Variants in SLC25A21 observed in about 807,000 individuals in gnomAD.
The protein encoded by SLC25A21 is mitochondrial 2-oxodicarboxylate carrier.
A neutral mutation model predicts 43.8 loss-of-function variants in SLC25A21; 47 were observed. The ratio of observed to expected loss-of-function variants is 1.07; its 90% CI spans 0.85 to 1.37. SLC25A21 has a LOEUF of 1.37. SLC25A21 is among the 40% of genes most tolerant of loss of function. SLC25A21 has a pLI of 0.00. For synonymous variants in SLC25A21, 131 were observed against 121.3 expected (o/e 1.08, Z -0.52); for missense variants, 352 against 350.2 (o/e 1.00, Z -0.04).
At chr14:37,105,010 T>C (rs1323202328) in intron 1 of SLC25A21, among the ~76,000 whole-genome samples, 1 of 152,248 alleles carries the variant, frequency 6.6e-6, no homozygotes, top group African/African-American at 2.4e-5. Flanking sequence ...TCCATAAGCA[T>C]TTCCAGAGGT....
intron 1 of SLC25A21, among the ~76,000 whole-genome samples, chr14:37,014,723 T>C (rs1960807719): frequency 6.6e-6 from 1 of 152,172 alleles, no homozygotes; most frequent in African/African-American, 2.4e-5. Context: ...CTATGGGAGC[T>C]ATAGCCTTCC....
At chr14:36,736,888 G>C (rs1490459905) in intron 3 of SLC25A21, among the ~76,000 whole-genome samples, 2 of 152,196 alleles carry the variant, frequency 1.3e-5, no homozygotes, top group Non-Finnish European at 2.9e-5. Context: ...AACAAGAAAA[G>C]ACACATTTTT....
intron 1 of SLC25A21, among the ~76,000 whole-genome samples, chr14:37,088,979 T>C (rs1962534031): frequency 6.6e-6 from 1 of 152,232 alleles, no homozygotes; most frequent in African/African-American, 2.4e-5. Context: ...ACATAACTTT[T>C]TAAAAGCCAT....
chr14:37,068,971 G>A (rs945547381), intron 1 of SLC25A21, among the ~76,000 whole-genome samples: 3 of 151,998 alleles, frequency 2.0e-5, no homozygotes, highest in African/African-American at 7.3e-5. Flanking sequence ...TCAGGAGATC[G>A]AGACCATCCT....
intron 4 of SLC25A21, among the ~76,000 whole-genome samples, chr14:36,732,317 C>T (rs185189175): frequency 1.2e-3 from 186 of 152,028 alleles, no homozygotes; most frequent in African/African-American, 3.3e-3. Flanking sequence ...ATTTAGTTAG[C>T]ATAAGGCAGT....
chr14:36,879,732 TG>T (rs1254228227), intron 1 of SLC25A21, among the ~76,000 whole-genome samples: 1 of 151,946 alleles, frequency 6.6e-6, no homozygotes, highest in Non-Finnish European at 1.5e-5. Flanking sequence ...GAAGATCCCC[TG>T]GGCAGCCTGT....
At chr14:36,750,866 G>A (rs1191365464) in intron 3 of SLC25A21, among the ~76,000 whole-genome samples, 1 of 152,110 alleles carries the variant, frequency 6.6e-6, no homozygotes. Flanking sequence ...CTAATTGAGG[G>A]TCTTCACTGT....
chr14:36,780,137 G>A (rs181955144), intron 3 of SLC25A21, among the ~76,000 whole-genome samples: 1 of 151,836 alleles, frequency 6.6e-6, no homozygotes, highest in Admixed American at 6.6e-5. Context: ...GCATATAATT[G>A]TTTATAGTAG....
chr14:37,143,589 C>CAT (rs112161063), intron 1 of SLC25A21, among the ~76,000 whole-genome samples: 2 of 148,538 alleles, frequency 1.3e-5, no homozygotes, highest in Admixed American at 1.3e-4. Flanking sequence ...TGTTCATTAG[C>CAT]GTGTGTGTGT....
chr14:37,062,198 T>C (rs1349797020), intron 1 of SLC25A21, among the ~76,000 whole-genome samples: 1 of 152,210 alleles, frequency 6.6e-6, no homozygotes, highest in African/African-American at 2.4e-5. Flanking sequence ...ATCCAATTGG[T>C]ATAACTTTCA....
At chr14:37,124,223 A>T (rs1285749339) in intron 1 of SLC25A21, among the ~76,000 whole-genome samples, 1 of 151,832 alleles carries the variant, frequency 6.6e-6, no homozygotes, top group Non-Finnish European at 1.5e-5. Context: ...TGAGAGCCAC[A>T]CTGAGCACTT....
At chr14:36,904,227 A>G (rs1455446492) in intron 1 of SLC25A21, among the ~76,000 whole-genome samples, 2 of 152,236 alleles carry the variant, frequency 1.3e-5, no homozygotes, top group African/African-American at 4.8e-5. Flanking sequence ...GCGTAAGTCA[A>G]TAGATATGGA....
At chr14:36,842,439 T>C (rs1889412929) in intron 2 of SLC25A21, among the ~76,000 whole-genome samples, 2 of 152,190 alleles carry the variant, frequency 1.3e-5, no homozygotes, top group African/African-American at 4.8e-5. Flanking sequence ...GGAAGCTGGA[T>C]GTATAGGTGG....
At chr14:37,159,336 G>C (rs1220711417) in intron 1 of SLC25A21, among the ~76,000 whole-genome samples, 1 of 152,028 alleles carries the variant, frequency 6.6e-6, no homozygotes, top group East Asian at 1.9e-4. Context: ...ACAATGCAAG[G>C]CTATAGTAAC....
At chr14:36,779,693 C>T (rs1886982823) in intron 3 of SLC25A21, among the ~76,000 whole-genome samples, 1 of 143,584 alleles carries the variant, frequency 7.0e-6, no homozygotes, top group Admixed American at 7.1e-5. Context: ...TTTTTATATC[C>T]ATTCATCCAT....
rs566292379 is a variant in SLC25A21, at chr14:36,954,818, T to G, written c.71-79814A>C. ...TACCTTTCTTCATTTTCTTTGTACC[T>G]GCAATGACTTCCCTCTACTTCCACC... On this transcript the variant is annotated intron_variant, in intron 1 of 9. Transcript: ENST00000331299. Among the ~76,000 whole-genome samples the G allele has an allele frequency of 9.2e-5, 14 of 152,248 alleles. No homozygotes were observed. The South Asian group carries it at 1.0e-3, about 11-fold the overall frequency.
intron 1 of SLC25A21, among the ~76,000 whole-genome samples, chr14:36,926,028 C>T (rs1892122274): frequency 6.6e-6 from 1 of 152,032 alleles, no homozygotes; most frequent in Admixed American, 6.6e-5. Context: ...TGTATAAAAC[C>T]TTCCACTCAA....
In SLC25A21 at chr14:36,748,630, A is replaced by G. The variant is rs1885588222; in HGVS notation, c.204-14057T>C. ...ATCCTATGAGTTGGATAAACTAAGT[A>G]GGATTCAAAACACTTGAAAAACAAT... is the stretch of plus-strand genomic sequence containing the variant. On this transcript the variant is annotated intron_variant, in intron 3 of 9. Transcript: ENST00000331299. Among the ~76,000 whole-genome samples the G allele has an allele frequency of 3.9e-5, 6 of 152,258 alleles. No homozygotes were observed. The South Asian group carries it at 1.2e-3, about 31-fold the overall frequency.
chr14:36,822,234 TA>T (rs1196401903), intron 2 of SLC25A21, among the ~76,000 whole-genome samples: 1 of 152,236 alleles, frequency 6.6e-6, no homozygotes, highest in Non-Finnish European at 1.5e-5. Flanking sequence ...CACTCCAAAA[TA>T]ATGCTAACAA....
Sources: allele counts gnomAD v4.1 joint callset (sites outside exome capture counted in the v4.1 genomes callset), GRCh38; gene constraint gnomAD v4.1.1; transcripts MANE v1.5; gene names NCBI Gene and HGNC (gene_info 2026-07-23, HGNC 2026-07-21).